SCAF4: variants seen among roughly 807,000 people sequenced by gnomAD.
The protein encoded by SCAF4 is SR-related and CTD-associated factor 4.
A neutral mutation model predicts 129.8 loss-of-function variants in SCAF4; 25 were observed. That is an observed-to-expected ratio of 0.19 (90% CI 0.14 to 0.27). The LOEUF (loss-of-function observed/expected upper bound fraction) is 0.27. SCAF4 is among the 10% of genes least tolerant of loss of function. The probability of loss-of-function intolerance (pLI) is 1.00; values close to 1 mark genes in which losing one functional copy is unlikely to be tolerated. For synonymous variants in SCAF4, 551 were observed against 497.7 expected (o/e 1.11, Z -1.43); for missense variants, 1,246 against 1,457.1 (o/e 0.86, Z 2.36).
chr21:31,676,913 T>C (rs1193161872), intron 19 of SCAF4, among the ~76,000 whole-genome samples: 2 of 152,132 alleles, frequency 1.3e-5, no homozygotes, highest in Admixed American at 6.5e-5. Context: ...TCTCTGTGGG[T>C]TTACCTATTA....
chr21:31,684,689 G>T (rs1179435990), intron 19 of SCAF4: 3 of 216,212 alleles, frequency 1.4e-5, no homozygotes, highest in Non-Finnish European at 2.8e-5. Flanking sequence ...TAAAAGCTGG[G>T]AAGAGACTAA....
chr21:31,697,365 C>A (rs2050413360), intron 7 of SCAF4, among the ~76,000 whole-genome samples: 1 of 152,010 alleles, frequency 6.6e-6, no homozygotes, highest in South Asian at 2.1e-4. Flanking sequence ...TCTAGAAGAA[C>A]AATTTTAAGT....
intron 1 of SCAF4, among the ~76,000 whole-genome samples, chr21:31,730,121 T>C (rs902104503): frequency 5.3e-5 from 8 of 152,252 alleles, no homozygotes; most frequent in African/African-American, 1.7e-4. Flanking sequence ...TCAACAATTA[T>C]TTGCGAGGCA....
intron 16 of SCAF4, among the ~76,000 whole-genome samples, chr21:31,687,692 T>G (rs2050158850): frequency 6.8e-6 from 1 of 146,800 alleles, no homozygotes; most frequent in Non-Finnish European, 1.5e-5. Flanking sequence ...TCCAAGTTTC[T>G]TCAGGACACA....
chr21:31,729,055 T>C (rs2051280027), intron 1 of SCAF4, among the ~76,000 whole-genome samples: 1 of 152,158 alleles, frequency 6.6e-6, no homozygotes, highest in Non-Finnish European at 1.5e-5. Context: ...TACTTATCTT[T>C]CCTACCAAGT....
chr21:31,688,555 A>C (rs1169735143), intron 15 of SCAF4, 91 bp from the exon 16 acceptor site: 1 of 1,049,390 alleles, frequency 9.5e-7, no homozygotes, highest in Non-Finnish European at 1.4e-6. Flanking sequence ...ATAAAAACCT[A>C]GCCCAGTTAT....
In SCAF4 at chr21:31,696,671, G is replaced by A. The variant is rs759515314; in HGVS notation, c.857C>T (p.Thr286Ile). The A allele has an allele frequency of 5.0e-6, 8 of 1,613,968 alleles. No individual in the cohort carries two copies. In the South Asian group the frequency reaches 5.5e-5, roughly 11 times the overall value. ...TACTGCGGCAGCAGGTGCTGTCGTG[G>A]TGACGGCAGTGGTATCCTCTTTCTT... ...ESKKEDTTAVTTTAPAAAVPP... is the reference protein window; with the variant it reads ...ESKKEDTTAVITTAPAAAVPP... Residue 286 changes from threonine to isoleucine, a missense_variant, in exon 8 of 20, where the codon ACC becomes ATC. Coordinates refer to ENST00000286835, the MANE Select transcript of SCAF4 (RefSeq NM_020706.2).
intron 7 of SCAF4, among the ~76,000 whole-genome samples, chr21:31,697,263 T>C (rs2050410654): frequency 6.6e-6 from 1 of 152,168 alleles, no homozygotes; most frequent in Non-Finnish European, 1.5e-5. Flanking sequence ...TAGCAGTTCC[T>C]AAGAGGTTCG....
chr21:31,683,706 T>C (rs2050048659), intron 19 of SCAF4, among the ~76,000 whole-genome samples: 2 of 149,224 alleles, frequency 1.3e-5, no homozygotes, highest in Admixed American at 1.3e-4. Context: ...ATCATGTTAA[T>C]ATGAAAAAAA....
In SCAF4 at chr21:31,672,014, C is replaced by T. The variant is rs374264642; in HGVS notation, c.2829G>A (p.Pro943=). The stretch of plus-strand genomic sequence containing the variant: ...GTGGCTGCTGCTGTGGCTGCTGCGG[C>T]GGCTGTTGCCTTCCGTCTCTGTCTT... ...GPEDRDGRQQ[P]PQQPQQQPQP... is the part of the protein sequence containing the mutation. Residue 943 remains proline, a synonymous_variant, in exon 20 of 20, where the codon CCG becomes CCA. Coordinates refer to ENST00000286835, the MANE Select transcript of SCAF4 (RefSeq NM_020706.2). 1.1e-5 allele frequency: 18 copies of T among 1,613,078 alleles called. No homozygotes were observed. The highest frequency in any genetic ancestry group is 5.0e-5 in the Admixed American group (3 of 59,952).
chr21:31,709,926 TTCTAAAGTTCA>T (rs1239562769), intron 1 of SCAF4, among the ~76,000 whole-genome samples: 1 of 151,982 alleles, frequency 6.6e-6, no homozygotes, highest in Non-Finnish European at 1.5e-5. Flanking sequence ...TATTTGTTGA[TTCTAAAGTTCA>T]CACTCCCTAA....
chr21:31,672,955 A>T (rs940855176), intron 19 of SCAF4, among the ~76,000 whole-genome samples: 5 of 152,236 alleles, frequency 3.3e-5, no homozygotes, highest in Non-Finnish European at 5.9e-5. Flanking sequence ...TCCATACACA[A>T]ATGTGAAGTT....
At chr21:31,696,359 T>C (rs1250323764) in intron 8 of SCAF4, 138 bp from the exon 9 acceptor site, 1 of 730,708 alleles carries the variant, frequency 1.4e-6, no homozygotes, top group Non-Finnish European at 2.1e-6. Flanking sequence ...TTAAATTTAA[T>C]TTATAAACTC....
chr21:31,720,476 G>A (rs1478602127), intron 1 of SCAF4, among the ~76,000 whole-genome samples: 1 of 152,142 alleles, frequency 6.6e-6, no homozygotes, highest in Admixed American at 6.5e-5. Context: ...ACGTATAAAA[G>A]CTGTTCACTG....
chr21:31,731,122 C>T (rs2051342920), intron 1 of SCAF4, among the ~76,000 whole-genome samples: 2 of 152,192 alleles, frequency 1.3e-5, no homozygotes, highest in Non-Finnish European at 2.9e-5. Context: ...GGATGAACAC[C>T]CTCTTCAACT....
In SCAF4 at chr21:31,694,109, T is replaced by C. The variant is rs1187636497; in HGVS notation, c.1322+95A>G. ...ACAAACATACCAACTGTTATTTTACTAACATTCTGAATATCTGAAAATAAC... is the reference window on the plus strand; with the variant it reads ...ACAAACATACCAACTGTTATTTTACCAACATTCTGAATATCTGAAAATAAC... On this transcript the variant is annotated intron_variant, in intron 11 of 19. Coordinates refer to ENST00000286835, the MANE Select transcript of SCAF4 (RefSeq NM_020706.2). 7.4e-6 allele frequency: 5 copies of C among 677,070 alleles called. No individual in the cohort carries two copies. The Admixed American group carries it at 8.1e-5, about 11-fold the overall frequency. The allele number at this position is 677,070 out of a possible 1,614,324, so 41.9% of individuals were successfully genotyped here.
intron 1 of SCAF4, among the ~76,000 whole-genome samples, chr21:31,729,751 G>C (rs2051301990): frequency 6.6e-6 from 1 of 152,158 alleles, no homozygotes; most frequent in African/African-American, 2.4e-5. Context: ...AAATGAACTG[G>C]AAAATGAACA....
At chr21:31,729,194 T>C (rs1223063891) in intron 1 of SCAF4, among the ~76,000 whole-genome samples, 1 of 152,240 alleles carries the variant, frequency 6.6e-6, no homozygotes, top group Non-Finnish European at 1.5e-5. Context: ...AACATGAAAC[T>C]TGTCAGGCCC....
chr21:31,692,986 A>G (rs1047848494), intron 12 of SCAF4, among the ~76,000 whole-genome samples: 7 of 152,238 alleles, frequency 4.6e-5, no homozygotes, highest in African/African-American at 1.4e-4. Flanking sequence ...TATATCAAAT[A>G]TATGTCTAGC....
Sources: allele counts gnomAD v4.1 joint callset (sites outside exome capture counted in the v4.1 genomes callset), GRCh38; gene constraint gnomAD v4.1.1; transcripts MANE v1.5; gene names NCBI Gene and HGNC (gene_info 2026-07-23, HGNC 2026-07-21).